TMEM178A: variants seen among roughly 807,000 people sequenced by gnomAD.
TMEM178A encodes the protein transmembrane protein 178A, also known as transmembrane protein 178.
Under a neutral mutation model 29.1 loss-of-function variants are expected in TMEM178A, and 12 were observed. The observed-to-expected ratio is 0.41, with a 90% CI of 0.26 to 0.67. The LOEUF (loss-of-function observed/expected upper bound fraction) is 0.67. TMEM178A is among the 30% of genes least tolerant of loss of function. TMEM178A has a pLI of 0.29. For synonymous variants in TMEM178A, 210 were observed against 187.2 expected, an observed-to-expected ratio of 1.12 and a Z score of -0.99; for missense variants, 366 against 419.1, an observed-to-expected ratio of 0.87 and a Z score of 1.11.
At chr2:39,701,345 A>C (rs568204004) in intron 1 of TMEM178A, among the ~76,000 whole-genome samples, 1 of 151,922 alleles carries the variant, frequency 6.6e-6, no homozygotes, top group Non-Finnish European at 1.5e-5. Context: ...CAGTCTTCTT[A>C]TTTCTGTGTT....
chr2:39,665,918 C>T lies in TMEM178A; in HGVS notation c.-57C>T. 2.3e-6 allele frequency: 3 copies of T among 1,323,232 alleles called. No homozygotes were observed. Among genetic ancestry groups the T allele is most frequent in the Middle Eastern group, 2.8e-4 (1 of 3,516 alleles). 82.0% of individuals were successfully genotyped at this position (1,323,232 alleles called of 1,614,324 possible). On this transcript the variant is annotated 5_prime_UTR_variant, in exon 1 of 4. Coordinates refer to ENST00000281961, the MANE Select transcript of TMEM178A (RefSeq NM_152390.3). ...GCGGGCGGAGAGCTGGGGCCAAGTG[C>T]ATTGTGTCTGGCGGCGGCGCGCGAG...
chr2:39,718,140 G>A (rs1672623248), downstream of TMEM178A, among the ~76,000 whole-genome samples: 1 of 152,144 alleles, frequency 6.6e-6, no homozygotes, highest in South Asian at 2.1e-4. Context: ...ATTGACAAAA[G>A]ATGTCATTTT....
the TMEM178A span, among the ~76,000 whole-genome samples, chr2:39,731,185 A>G: frequency 0.011 from 1,723 of 152,338 alleles, 14 homozygotes; most frequent in Admixed American, 0.018. Flanking sequence ...AAGAATCCAA[A>G]TACAGAGTAA....
intron 1 of TMEM178A, 85 bp downstream of exon 1, chr2:39,666,459 GC>G: frequency 8.8e-7 from 1 of 1,136,758 alleles, no homozygotes; most frequent in African/African-American, 1.6e-5. Context: ...GGTCCCCGCA[GC>G]CCCCTCCCAG....
intron 1 of TMEM178A, among the ~76,000 whole-genome samples, chr2:39,681,034 C>A (rs1670848936): frequency 6.6e-6 from 1 of 151,898 alleles, no homozygotes; most frequent in Admixed American, 6.6e-5. Context: ...GGTAGCTTGC[C>A]ACATATTGCA....
At chr2:39,701,729 C>A (rs1025930670) in intron 1 of TMEM178A, among the ~76,000 whole-genome samples, 1 of 152,034 alleles carries the variant, frequency 6.6e-6, no homozygotes, top group Non-Finnish European at 1.5e-5. Context: ...TTAAATCATC[C>A]TTTGTTCTTT....
At chr2:39,673,331 A>G (rs1247908947) in intron 1 of TMEM178A, among the ~76,000 whole-genome samples, 1 of 152,270 alleles carries the variant, frequency 6.6e-6, no homozygotes, top group Non-Finnish European at 1.5e-5. Context: ...CCATCAGGGA[A>G]TGCATTAGCA....
chr2:39,690,048 C>G (rs757426306), intron 1 of TMEM178A, among the ~76,000 whole-genome samples: 1 of 152,180 alleles, frequency 6.6e-6, no homozygotes, highest in African/African-American at 2.4e-5. Context: ...GTCCAAGATG[C>G]TCGCTTCTGC....
intron 1 of TMEM178A, among the ~76,000 whole-genome samples, chr2:39,701,094 A>C (rs557815010): frequency 1.4e-4 from 21 of 152,180 alleles, no homozygotes; most frequent in Non-Finnish European, 2.6e-4. Flanking sequence ...GTTGCAAACA[A>C]AAATACATTT....
intron 1 of TMEM178A, among the ~76,000 whole-genome samples, chr2:39,679,870 TC>T (rs1473598345): frequency 3.3e-5 from 5 of 152,168 alleles, no homozygotes; most frequent in Admixed American, 6.5e-5. Context: ...ATCAGGCTCT[TC>T]ACTGAACCAC....
intron 1 of TMEM178A, among the ~76,000 whole-genome samples, chr2:39,695,671 G>A (rs376139358): frequency 1.3e-5 from 2 of 152,052 alleles, no homozygotes; most frequent in South Asian, 4.2e-4. Context: ...TCACAGGTAA[G>A]TGTAAGTGAA....
At chr2:39,680,145 T>TAC (rs1417360054) in intron 1 of TMEM178A, among the ~76,000 whole-genome samples, 1 of 152,232 alleles carries the variant, frequency 6.6e-6, no homozygotes, top group Non-Finnish European at 1.5e-5. Flanking sequence ...CAAGTGACCT[T>TAC]ACCTCTTCAG....
chr2:39,695,716 T>G (rs1671511182), intron 1 of TMEM178A, among the ~76,000 whole-genome samples: 1 of 151,618 alleles, frequency 6.6e-6, no homozygotes, highest in Non-Finnish European at 1.5e-5. Context: ...GGGTCTAGAG[T>G]CTGAATTCGA....
chr2:39,722,792 C>A (rs1023363076), downstream of TMEM178A, among the ~76,000 whole-genome samples: 17 of 152,136 alleles, frequency 1.1e-4, no homozygotes, highest in Admixed American at 3.9e-4. Flanking sequence ...ATGAACAGAC[C>A]ATTGTCCCAG....
At chr2:39,714,454 A>C (rs1672447670) in intron 3 of TMEM178A, among the ~76,000 whole-genome samples, 2 of 152,252 alleles carry the variant, frequency 1.3e-5, no homozygotes, top group Non-Finnish European at 2.9e-5. Flanking sequence ...AGATGGATCC[A>C]AGAGTGAGAT....
intron 2 of TMEM178A, among the ~76,000 whole-genome samples, chr2:39,705,809 C>T (rs1401625940): frequency 3.9e-5 from 6 of 152,186 alleles, no homozygotes; most frequent in African/African-American, 7.2e-5. Context: ...GCCCACACTT[C>T]GAACAGTGTG....
intron 1 of TMEM178A, among the ~76,000 whole-genome samples, chr2:39,673,567 C>T (rs1226021110): frequency 1.3e-5 from 2 of 152,086 alleles, no homozygotes; most frequent in African/African-American, 4.8e-5. Context: ...CATTCTATAG[C>T]TAGGGAAGAG....
chr2:39,728,523 T>C, the TMEM178A span, among the ~76,000 whole-genome samples: 4 of 152,220 alleles, frequency 2.6e-5, no homozygotes, highest in Admixed American at 1.3e-4. Flanking sequence ...AAAAATGCTA[T>C]AAAATAGTAC....
intron 1 of TMEM178A, among the ~76,000 whole-genome samples, chr2:39,684,568 C>T (rs1252644547): frequency 6.6e-6 from 1 of 152,146 alleles, no homozygotes; most frequent in East Asian, 1.9e-4. Context: ...CACCTATTCC[C>T]ATATGTCCTC....
Sources: gnomAD v4.1 joint callset for allele counts (sites outside exome capture counted in the v4.1 genomes callset) on GRCh38, gnomAD v4.1.1 for gene constraint, MANE v1.5 for transcripts, NCBI Gene and HGNC (gene_info 2026-07-23, HGNC 2026-07-21) for gene names.